Variants in TMEM170B observed in about 807,000 individuals in gnomAD.
TMEM170B encodes the protein transmembrane protein 170B.
Under a neutral mutation model 13.0 loss-of-function variants are expected in TMEM170B, and 6 were observed. The ratio of observed to expected loss-of-function variants is 0.46; its 90% CI spans 0.25 to 0.91. The LOEUF is 0.91. TMEM170B is among the 40% of genes least tolerant of loss of function. The pLI, the probability that TMEM170B is intolerant of heterozygous loss-of-function variation, is 0.17. For synonymous variants in TMEM170B, 61 were observed against 64.9 expected (o/e 0.94, Z 0.29); for missense variants, 138 against 165.2 (o/e 0.84, Z 0.90).
Position 11,583,227 on chromosome 6 carries a change from A to T in TMEM170B, c.*7666A>T, listed in dbSNP as rs1759981970. The T allele has an allele frequency of 6.6e-6, 1 of 152,194 alleles. No individual in the cohort carries two copies. Among genetic ancestry groups the T allele is most frequent in the Admixed American group, 6.5e-5 (1 of 15,274 alleles). The allele number at this position is 152,194 out of a possible 1,614,324, so 9.4% of individuals were successfully genotyped here. ...TTTTAATTATAGAAAGTAGGTCTAC[A>T]AAGATAAGATCTAGGTTCCAATTCA... On this transcript the variant is annotated 3_prime_UTR_variant, in exon 3 of 3. Transcript: ENST00000379426.
At chr6:11,574,320 A>G (rs1759845510) in intron 2 of TMEM170B, among the ~76,000 whole-genome samples, 1 of 152,182 alleles carries the variant, frequency 6.6e-6, no homozygotes, top group African/African-American at 2.4e-5. Context: ...TTAGGTTAGT[A>G]ATTTGCTTTT....
intron 1 of TMEM170B, among the ~76,000 whole-genome samples, chr6:11,561,029 C>T (rs1000568879): frequency 3.3e-5 from 5 of 152,108 alleles, no homozygotes; most frequent in Non-Finnish European, 7.4e-5. Flanking sequence ...CTGCCTTTTA[C>T]CCCACCAAAA....
At chr6:11,558,590 C>A (rs1177575990) in intron 1 of TMEM170B, among the ~76,000 whole-genome samples, 1 of 152,186 alleles carries the variant, frequency 6.6e-6, no homozygotes, top group Non-Finnish European at 1.5e-5. Context: ...GTGACTCCAG[C>A]ATACAGCCAA....
At chr6:11,573,946 G>A (rs1759839602) in intron 2 of TMEM170B, among the ~76,000 whole-genome samples, 1 of 152,158 alleles carries the variant, frequency 6.6e-6, no homozygotes, top group Admixed American at 6.6e-5. Context: ...GTTTGGTTAA[G>A]TAAATGTTGG....
At chr6:11,546,158 G>A (rs909947439) in intron 1 of TMEM170B, among the ~76,000 whole-genome samples, 1 of 152,086 alleles carries the variant, frequency 6.6e-6, no homozygotes. Flanking sequence ...ATGGGACAAA[G>A]TGTGGAGGTG....
At chr6:11,543,877 A>G (rs935182368) in intron 1 of TMEM170B, among the ~76,000 whole-genome samples, 1 of 152,214 alleles carries the variant, frequency 6.6e-6, no homozygotes, top group African/African-American at 2.4e-5. Context: ...GTGGGAAAAT[A>G]TACTGACCTT....
intron 1 of TMEM170B, among the ~76,000 whole-genome samples, chr6:11,561,715 AAGAG>A (rs1439953671): frequency 1.3e-5 from 2 of 152,150 alleles, no homozygotes; most frequent in Admixed American, 1.3e-4. Flanking sequence ...GATTTTTTAA[AAGAG>A]AGAAAGAAAT....
chr6:11,556,476 C>T (rs1032758050), intron 1 of TMEM170B, among the ~76,000 whole-genome samples: 1 of 152,154 alleles, frequency 6.6e-6, no homozygotes, highest in Non-Finnish European at 1.5e-5. Context: ...AGCCTCCCCC[C>T]AGTGGTGGAA....
Position 11,549,022 on chromosome 6 carries a change from A to G in TMEM170B, c.97+10648A>G, listed in dbSNP as rs187465358. On this transcript the variant is annotated intron_variant, in intron 1 of 2. Transcript: ENST00000379426. ...ATACCAACATGGCATATGTATACAT[A>G]TGTAACAAACCTGCACGTTGTGCAC... is the stretch of plus-strand genomic sequence containing the variant. Among the ~76,000 whole-genome samples, 4 of 152,314 alleles carry G rather than the reference A, an allele frequency of 2.6e-5. No individual in the cohort carries two copies. The South Asian group carries it at 6.2e-4, about 24-fold the overall frequency.
intron 1 of TMEM170B, among the ~76,000 whole-genome samples, chr6:11,549,540 A>G (rs1355965854): frequency 1.3e-5 from 2 of 151,906 alleles, no homozygotes; most frequent in Non-Finnish European, 2.9e-5. Context: ...GCGGGCACCT[A>G]TAGTCCCAGC....
At position 11,566,885 on chromosome 6, in the gene TMEM170B, G is replaced by T. The variant is rs1759741449; in HGVS notation, c.268+1049G>T. Among the ~76,000 whole-genome samples, 3 of 152,342 alleles carry T rather than the reference G, an allele frequency of 2.0e-5. No individual in the cohort carries two copies. In the South Asian group the frequency reaches 6.2e-4, roughly 32 times the overall value. On this transcript the variant is annotated intron_variant, in intron 2 of 2. Coordinates refer to ENST00000379426, the MANE Select transcript of TMEM170B (RefSeq NM_001100829.3). Reference sequence around the variant, plus strand: ...TGAGGCTTTCTTCCGTTTTCCGGTGGAATGCCCCCAAAGGTCATACTCCAC... The same window carrying T: ...TGAGGCTTTCTTCCGTTTTCCGGTGTAATGCCCCCAAAGGTCATACTCCAC...
At chr6:11,541,255 C>T (rs993187004) in intron 1 of TMEM170B, among the ~76,000 whole-genome samples, 1 of 152,238 alleles carries the variant, frequency 6.6e-6, no homozygotes, top group Non-Finnish European at 1.5e-5. Context: ...ATGGCATCTT[C>T]TTCTGATATA....
rs541541713 is a variant in TMEM170B at position 11,543,080 on chromosome 6, C to T, written c.97+4706C>T. ...TTCTTCACGCAAAATTAATTTCTTG[C>T]TTCATCTTGCTACTTCTGCTCTTTG... On this transcript the variant is annotated intron_variant, in intron 1 of 2. Coordinates refer to ENST00000379426, the MANE Select transcript of TMEM170B (RefSeq NM_001100829.3). Among the ~76,000 whole-genome samples the T allele has an allele frequency of 1.4e-3, 216 of 152,242 alleles. 2 individuals are homozygous for T. The highest frequency in any genetic ancestry group is 5.1e-3 in the African/African-American group (212 of 41,552).
chr6:11,565,811 T>G lies in TMEM170B; in HGVS notation c.243T>G (p.Ala81=). ...SVIAVSIGFL[A]SVTGAMITSA... is the part of the protein sequence containing the mutation. ...TTGCAGTCAGCATTGGATTTCTGGC[T>G]TCTGTAACTGGAGCGATGATTACCA... The change falls in exon 2 of 3, where the codon GCT becomes GCG. Residue 81 remains alanine (A), a synonymous_variant. Transcript: ENST00000379426. The G allele has an allele frequency of 6.2e-7, 1 of 1,614,192 alleles. No individual in the cohort carries two copies. The highest frequency in any genetic ancestry group is 8.5e-7 in the Non-Finnish European group (1 of 1,180,010).
At chr6:11,540,743 C>T (rs1759348576) in intron 1 of TMEM170B, among the ~76,000 whole-genome samples, 1 of 152,150 alleles carries the variant, frequency 6.6e-6, no homozygotes, top group Non-Finnish European at 1.5e-5. Flanking sequence ...TTCCTTTGCC[C>T]AGGTCCATCA....
intron 2 of TMEM170B, among the ~76,000 whole-genome samples, chr6:11,574,042 A>C (rs1759840555): frequency 6.6e-6 from 1 of 152,100 alleles, no homozygotes; most frequent in Non-Finnish European, 1.5e-5. Flanking sequence ...ATAAATATGA[A>C]GTGATAGAAT....
intron 1 of TMEM170B, among the ~76,000 whole-genome samples, chr6:11,546,049 A>G (rs1582138020): frequency 6.6e-6 from 1 of 151,114 alleles, no homozygotes; most frequent in African/African-American, 2.4e-5. Flanking sequence ...AAGCTGTAAA[A>G]CAGCCTCAGG....
intron 1 of TMEM170B, among the ~76,000 whole-genome samples, chr6:11,558,505 T>A (rs1759618575): frequency 6.6e-6 from 1 of 152,188 alleles, no homozygotes; most frequent in Non-Finnish European, 1.5e-5. Context: ...GTGCCCAAGC[T>A]ACATCGTAAA....
At chr6:11,556,825 C>G (rs1241381007) in intron 1 of TMEM170B, among the ~76,000 whole-genome samples, 1 of 152,086 alleles carries the variant, frequency 6.6e-6, no homozygotes, top group African/African-American at 2.4e-5. Flanking sequence ...ATTTGCTGCC[C>G]TCCCCTAATG....
Sources: gnomAD v4.1 joint callset for allele counts (sites outside exome capture counted in the v4.1 genomes callset) on GRCh38, gnomAD v4.1.1 for gene constraint, MANE v1.5 for transcripts, NCBI Gene and HGNC (gene_info 2026-07-23, HGNC 2026-07-21) for gene names.